The following NXPH2 variants were observed in gnomAD, a reference collection of about 807,000 sequenced individuals.
The protein encoded by NXPH2 is neurexophilin-2.
In NXPH2, 5 loss-of-function variants were observed where a neutral mutation model predicts 19.8. The observed-to-expected ratio is 0.25, with a 90% confidence interval of 0.13 to 0.53. The LOEUF (loss-of-function observed/expected upper bound fraction) is 0.53. Among genes scored for constraint, NXPH2 ranks in the 20% least tolerant of loss-of-function variants. NXPH2 has a pLI of 0.96. For synonymous variants in NXPH2, 154 were observed against 127.4 expected, an observed-to-expected ratio of 1.21 and a Z score of -1.41; for missense variants, 289 against 322.8, an observed-to-expected ratio of 0.90 and a Z score of 0.80.
intron 1 of NXPH2, among the ~76,000 whole-genome samples, chr2:138,779,367 G>A (rs1328460606): frequency 6.6e-6 from 1 of 152,198 alleles, no homozygotes; most frequent in Non-Finnish European, 1.5e-5. Context: ...AATTAGCCAT[G>A]CATATAGAAC....
intron 1 of NXPH2, among the ~76,000 whole-genome samples, chr2:138,755,605 G>A (rs942433465): frequency 6.6e-6 from 1 of 151,984 alleles, no homozygotes; most frequent in African/African-American, 2.4e-5. Context: ...TTAAAATCAG[G>A]TAATGTGAGC....
At chr2:138,697,862 T>C (rs1324530509) in intron 1 of NXPH2, among the ~76,000 whole-genome samples, 1 of 152,124 alleles carries the variant, frequency 6.6e-6, no homozygotes, top group African/African-American at 2.4e-5. Flanking sequence ...CAGATACTTT[T>C]GTGATTAACA....
chr2:138,734,658 T>C (rs1463495824), intron 1 of NXPH2, among the ~76,000 whole-genome samples: 1 of 152,056 alleles, frequency 6.6e-6, no homozygotes, highest in Admixed American at 6.5e-5. Flanking sequence ...GAGACCACAG[T>C]AGTGATGAGA....
chr2:138,741,662 G>A (rs1207988937), intron 1 of NXPH2, among the ~76,000 whole-genome samples: 1 of 152,136 alleles, frequency 6.6e-6, no homozygotes, highest in Non-Finnish European at 1.5e-5. Flanking sequence ...GTATATTAAA[G>A]CAGCACAAGT....
intron 1 of NXPH2, among the ~76,000 whole-genome samples, chr2:138,744,872 C>T (rs1355677355): frequency 6.6e-6 from 1 of 152,158 alleles, no homozygotes; most frequent in Non-Finnish European, 1.5e-5. Flanking sequence ...GACTTTTTCC[C>T]ATCTCCATGC....
At chr2:138,704,823 ATTTT>A (rs70982013) in intron 1 of NXPH2, among the ~76,000 whole-genome samples, 4 of 139,500 alleles carry the variant, frequency 2.9e-5, no homozygotes, top group Admixed American at 7.1e-5. Flanking sequence ...CGCCCAGCTA[ATTTT>A]TTTTTTTTTT....
chr2:138,738,724 C>T (rs767564048), intron 1 of NXPH2, among the ~76,000 whole-genome samples: 11 of 152,308 alleles, frequency 7.2e-5, no homozygotes, highest in East Asian at 3.9e-4. Flanking sequence ...AACAAAGAGT[C>T]AGAACCAAGG....
At chr2:138,716,972 T>G (rs560894938) in intron 1 of NXPH2, among the ~76,000 whole-genome samples, 1 of 152,338 alleles carries the variant, frequency 6.6e-6, no homozygotes, top group African/African-American at 2.4e-5. Context: ...CAGGTATAAC[T>G]GCACATGTTT....
chr2:138,680,732 A>G (rs1680568601), intron 1 of NXPH2, among the ~76,000 whole-genome samples: 2 of 152,216 alleles, frequency 1.3e-5, no homozygotes, highest in South Asian at 2.1e-4. Context: ...TGGATGAGTG[A>G]AATGAAATCC....
chr2:138,757,117 C>A (rs1681921239), intron 1 of NXPH2, among the ~76,000 whole-genome samples: 1 of 152,184 alleles, frequency 6.6e-6, no homozygotes, highest in Non-Finnish European at 1.5e-5. Flanking sequence ...GAACACTTTA[C>A]ATAGAGATTT....
At chr2:138,708,190 G>A (rs1196171522) in intron 1 of NXPH2, among the ~76,000 whole-genome samples, 1 of 152,152 alleles carries the variant, frequency 6.6e-6, no homozygotes, top group African/African-American at 2.4e-5. Context: ...GGGACAACAG[G>A]AAAGCCGATC....
At chr2:138,760,786 C>G (rs147863828) in intron 1 of NXPH2, among the ~76,000 whole-genome samples, 1 of 152,204 alleles carries the variant, frequency 6.6e-6, no homozygotes, top group South Asian at 2.1e-4. Context: ...AAGTTGTGAA[C>G]TGCTTTCTTA....
intron 1 of NXPH2, among the ~76,000 whole-genome samples, chr2:138,721,749 C>CCTTT (rs1681282224): frequency 6.6e-6 from 1 of 152,164 alleles, no homozygotes; most frequent in Non-Finnish European, 1.5e-5. Flanking sequence ...CGCTTTCTTA[C>CCTTT]CTTTCTTCTC....
intron 1 of NXPH2, among the ~76,000 whole-genome samples, chr2:138,777,614 T>A (rs1351009897): frequency 6.6e-6 from 1 of 151,818 alleles, no homozygotes; most frequent in African/African-American, 2.4e-5. Context: ...ATAACCATAG[T>A]TAGTGACTTA....
intron 1 of NXPH2, among the ~76,000 whole-genome samples, chr2:138,764,461 T>C (rs77683046): frequency 6.6e-6 from 1 of 152,142 alleles, no homozygotes; most frequent in South Asian, 2.1e-4. Context: ...AATCCAATCA[T>C]CTCAATTTGC....
intron 1 of NXPH2, among the ~76,000 whole-genome samples, chr2:138,717,710 A>G (rs1208766688): frequency 6.6e-6 from 1 of 152,144 alleles, no homozygotes; most frequent in Non-Finnish European, 1.5e-5. Flanking sequence ...AAAAGATCAA[A>G]AGAAATTTGA....
chr2:138,723,349 T>C (rs979427430), intron 1 of NXPH2, among the ~76,000 whole-genome samples: 1 of 152,174 alleles, frequency 6.6e-6, no homozygotes, highest in African/African-American at 2.4e-5. Flanking sequence ...TGAAAAATCA[T>C]GGTTGAGTGT....
rs147203373 is a variant in NXPH2, at chr2:138,701,735, CAT to C, written c.52-30072_52-30071del. ...GGGAGATGCAGAAATGAATAAGACA[CAT>C]ATCTTTCCTTTAAAGAGCTCAAGGT... On this transcript the variant is annotated intron_variant, in intron 1 of 1. Transcript: ENST00000272641. Among the ~76,000 whole-genome samples the C allele has an allele frequency of 3.5e-3, 538 of 152,314 alleles. 3 individuals are homozygous for C. The highest frequency in any genetic ancestry group is 8.8e-3 in the African/African-American group (365 of 41,572).
At chr2:138,732,112 T>C (rs564726971) in intron 1 of NXPH2, among the ~76,000 whole-genome samples, 1 of 152,326 alleles carries the variant, frequency 6.6e-6, no homozygotes, top group East Asian at 1.9e-4. Context: ...CCAAGATACC[T>C]TGATTTAAAT....
Sources: gnomAD v4.1 joint callset for allele counts (sites outside exome capture counted in the v4.1 genomes callset) on GRCh38, gnomAD v4.1.1 for gene constraint, MANE v1.5 for transcripts, NCBI Gene and HGNC (gene_info 2026-07-23, HGNC 2026-07-21) for gene names.